Variants in TXNDC16 observed in about 807,000 individuals in gnomAD.
TXNDC16 encodes the protein thioredoxin domain-containing protein 16.
TXNDC16 carries 74 observed loss-of-function variants against 85.6 expected under a neutral mutation model. The ratio of observed to expected loss-of-function variants is 0.86; its 90% confidence interval spans 0.72 to 1.05. The LOEUF (loss-of-function observed/expected upper bound fraction) is 1.05, where lower values mean the gene tolerates loss of function less well. Ranked by LOEUF, TXNDC16 falls within the 50% of genes least tolerant of loss-of-function variation. The pLI is 0.00. For synonymous variants in TXNDC16, 335 were observed against 326.5 expected (o/e 1.03, Z -0.28); for missense variants, 959 against 947.0 (o/e 1.01, Z -0.17).
rs548361638 is a variant in TXNDC16, at chr14:52,442,562, A to G, written c.1843-1838T>C. ...TTCTCAGAGCAGCTTGCATTTGCCC[A>G]TTCTCATTTTTCTTCTAATTATCTC... On this transcript the variant is annotated intron_variant, in intron 18 of 20. Coordinates refer to ENST00000281741, the MANE Select transcript of TXNDC16 (RefSeq NM_020784.3). Among the ~76,000 whole-genome samples the G allele has an allele frequency of 3.9e-5, 6 of 152,230 alleles. No homozygotes were observed. The South Asian group carries it at 1.2e-3, about 32-fold the overall frequency.
intron 9 of TXNDC16, among the ~76,000 whole-genome samples, chr14:52,509,927 G>A (rs2036915592): frequency 6.6e-6 from 1 of 151,548 alleles, no homozygotes. Flanking sequence ...CTTGCAGTGA[G>A]CCGAGATCGC....
intron 11 of TXNDC16, 104 bp downstream of exon 11, chr14:52,490,287 T>G (rs751320272): frequency 2.6e-6 from 2 of 775,602 alleles, no homozygotes; most frequent in Non-Finnish European, 3.8e-6. Flanking sequence ...TAGGAGCAAT[T>G]TATAATTTAC....
At chr14:52,531,136 T>A (rs998008952) in intron 6 of TXNDC16, among the ~76,000 whole-genome samples, 7 of 152,050 alleles carry the variant, frequency 4.6e-5, no homozygotes, top group Non-Finnish European at 1.0e-4. Flanking sequence ...TACCACTATA[T>A]ACCTATTATG....
chr14:52,447,104 G>T (rs1360159354), intron 18 of TXNDC16, among the ~76,000 whole-genome samples: 1 of 151,894 alleles, frequency 6.6e-6, no homozygotes, highest in Non-Finnish European at 1.5e-5. Context: ...AGCGGGTTTT[G>T]GGGGGGCCAC....
chr14:52,520,279 A>G (rs1428338281), intron 6 of TXNDC16, among the ~76,000 whole-genome samples: 1 of 152,188 alleles, frequency 6.6e-6, no homozygotes, highest in East Asian at 1.9e-4. Flanking sequence ...CTTTCAGTGT[A>G]TAAATCAGAC....
intron 9 of TXNDC16, 64 bp downstream of exon 9, chr14:52,511,176 C>A: frequency 1.5e-6 from 2 of 1,328,534 alleles, no homozygotes; most frequent in East Asian, 2.7e-5. Context: ...TAAAATAAGA[C>A]ACATACCTTT....
chr14:52,466,392 C>CAAAAAAA (rs35493549), intron 16 of TXNDC16, among the ~76,000 whole-genome samples: 1 of 56,702 alleles, frequency 1.8e-5, no homozygotes, highest in Non-Finnish European at 3.1e-5. Context: ...GACTCTGTCT[C>CAAAAAAA]AAAAAAAAAA....
chr14:52,523,545 C>A (rs1260395974), intron 6 of TXNDC16, among the ~76,000 whole-genome samples: 3 of 152,112 alleles, frequency 2.0e-5, no homozygotes, highest in Non-Finnish European at 4.4e-5. Flanking sequence ...TTACTTTTAT[C>A]TAAATTAATT....
intron 11 of TXNDC16, among the ~76,000 whole-genome samples, chr14:52,490,027 C>T (rs559293793): frequency 9.9e-5 from 15 of 152,080 alleles, no homozygotes; most frequent in African/African-American, 3.1e-4. Flanking sequence ...TGGGATCTCC[C>T]GATGTTGCCT....
rs745546130 is a variant in TXNDC16 at position 52,543,609 on chromosome 14, G to T, written c.-52C>A. On this transcript the variant is annotated 5_prime_UTR_variant, in exon 3 of 21. Transcript: ENST00000281741. ...ATTTTGTCTGTTTTTTCACTGCTGTGTTCTGTTTCCTAAGACAACACCTGG... is the reference window on the plus strand; with the variant it reads ...ATTTTGTCTGTTTTTTCACTGCTGTTTTCTGTTTCCTAAGACAACACCTGG... 6.3e-7 allele frequency: 1 copy of T among 1,594,260 alleles called. No individual in the cohort carries two copies. The highest frequency in any genetic ancestry group is 8.5e-7 in the Non-Finnish European group (1 of 1,171,538).
intron 14 of TXNDC16, among the ~76,000 whole-genome samples, chr14:52,471,344 T>C (rs1000492468): frequency 6.6e-6 from 1 of 152,250 alleles, no homozygotes; most frequent in African/African-American, 2.4e-5. Context: ...ATAACTACAA[T>C]AGGCTTCTAA....
intron 16 of TXNDC16, among the ~76,000 whole-genome samples, chr14:52,461,406 CAT>C (rs34720654): frequency 0.27 from 41,175 of 151,762 alleles, 5,659 homozygotes; most frequent in East Asian, 0.38. Context: ...CATAAACAAA[CAT>C]ATGTTTGATA....
Position 52,440,552 on chromosome 14 carries a change from A to G in TXNDC16, c.2003+12T>C. ...TTACCTCTTACATATTAAAAAATAAACACATACTTACAGATTTAACCAGCA... is the reference window on the plus strand; with the variant it reads ...TTACCTCTTACATATTAAAAAATAAGCACATACTTACAGATTTAACCAGCA... On this transcript the variant is annotated intron_variant, in intron 19 of 20. Coordinates refer to ENST00000281741, the MANE Select transcript of TXNDC16 (RefSeq NM_020784.3). 1 of 1,545,226 alleles carries G rather than the reference A, an allele frequency of 6.5e-7. No individual in the cohort carries two copies.
chr14:52,498,921 A>C (rs1418910920), intron 9 of TXNDC16, among the ~76,000 whole-genome samples: 1 of 152,204 alleles, frequency 6.6e-6, no homozygotes, highest in Non-Finnish European at 1.5e-5. Flanking sequence ...ATTTCAAAAT[A>C]TATTACAAAG....
At chr14:52,540,117 G>C (rs1403828717) in intron 4 of TXNDC16, among the ~76,000 whole-genome samples, 1 of 152,168 alleles carries the variant, frequency 6.6e-6, no homozygotes. Flanking sequence ...AAGACATATA[G>C]CCCTAAATAG....
At chr14:52,506,681 C>A (rs1392441051) in intron 9 of TXNDC16, among the ~76,000 whole-genome samples, 1 of 143,442 alleles carries the variant, frequency 7.0e-6, no homozygotes, top group Non-Finnish European at 1.5e-5. Flanking sequence ...CTCAGCCTCC[C>A]GAGTAGCTGG....
chr14:52,516,318 CTTAATT>C (rs894232264), intron 7 of TXNDC16, among the ~76,000 whole-genome samples: 3 of 152,174 alleles, frequency 2.0e-5, no homozygotes, highest in Non-Finnish European at 2.9e-5. Context: ...CTGAAAGCAT[CTTAATT>C]TTATTTTCAA....
chr14:52,448,004 A>G (rs1280168061), intron 18 of TXNDC16, among the ~76,000 whole-genome samples: 1 of 151,876 alleles, frequency 6.6e-6, no homozygotes, highest in African/African-American at 2.4e-5. Context: ...GAGGAAACAA[A>G]AGAAAAATGA....
intron 9 of TXNDC16, among the ~76,000 whole-genome samples, chr14:52,500,692 C>T (rs1358673670): frequency 6.6e-6 from 1 of 152,120 alleles, no homozygotes; most frequent in East Asian, 1.9e-4. Context: ...CACATAAGTT[C>T]TCTAGAAATA....
Sources: allele counts gnomAD v4.1 joint callset (sites outside exome capture counted in the v4.1 genomes callset), GRCh38; gene constraint gnomAD v4.1.1; transcripts MANE v1.5; gene names NCBI Gene and HGNC (gene_info 2026-07-23, HGNC 2026-07-21).